The following FAM53A variants were observed in gnomAD, a reference collection of about 807,000 sequenced individuals.
The protein encoded by FAM53A is protein FAM53A.
A neutral mutation model predicts 26.6 loss-of-function variants in FAM53A; 28 were observed. The ratio of observed to expected loss-of-function variants is 1.05; its 90% CI spans 0.78 to 1.45. FAM53A has a LOEUF of 1.45. FAM53A is among the 40% of genes most tolerant of loss of function. FAM53A has a pLI of 0.00. For synonymous variants in FAM53A, 290 were observed against 253.1 expected (o/e 1.15, Z -1.38); for missense variants, 650 against 575.8 (o/e 1.13, Z -1.32).
chr4:1,623,910 C>T (rs879434246), intron 1 of FAM53A, among the ~76,000 whole-genome samples: 8 of 152,174 alleles, frequency 5.3e-5, no homozygotes, highest in Admixed American at 5.2e-4. Flanking sequence ...AGTGGGTGCC[C>T]GGCTGGGCAC....
intron 1 of FAM53A, among the ~76,000 whole-genome samples, chr4:1,677,801 C>T (rs1368019550): frequency 6.6e-6 from 1 of 152,006 alleles, no homozygotes. Flanking sequence ...AAAAATTAGC[C>T]GAGCGTGGTA....
At chr4:1,608,926 G>A in the FAM53A span, among the ~76,000 whole-genome samples, 598 of 152,266 alleles carry the variant, frequency 3.9e-3, 5 homozygotes, top group African/African-American at 0.014. Flanking sequence ...GGGACCATGC[G>A]GGTTTGGAGG....
Position 1,641,351 on chromosome 4 carries a change from T to G in FAM53A, c.1139A>C (p.Glu380Ala). The change falls in exon 5 of 5, where the codon GAG (glutamate) becomes GCG (alanine). Residue 380 changes from glutamate to alanine, a missense_variant. Glu to Ala is a moderately radical substitution (Grantham distance 107, BLOSUM62 -1). Coordinates refer to ENST00000308132, the MANE Select transcript of FAM53A (RefSeq NM_001174070.3). ...CCAGCGGGCCCGGGGGAAGACGCCC[T>G]CCTCCCCGACACTGTCCCCATCACG... The part of the protein sequence containing the change: ...DPRDGDSVGE[E>A]GVFPRARWEL... The G allele has an allele frequency of 1.2e-6, 2 of 1,610,886 alleles. No individual in the cohort carries two copies. Among genetic ancestry groups the G allele is most frequent in the Non-Finnish European group, 1.7e-6 (2 of 1,179,186 alleles).
chr4:1,618,535 G>T (rs1277412161), intron 1 of FAM53A, among the ~76,000 whole-genome samples: 1 of 152,238 alleles, frequency 6.6e-6, no homozygotes, highest in Non-Finnish European at 1.5e-5. Context: ...TGCCCACCTG[G>T]AGGTGTGGGC....
chr4:1,669,117 C>T lies in FAM53A; in HGVS notation c.-164-212G>A, dbSNP rs528721023. Among the ~76,000 whole-genome samples, 58 of 152,302 alleles carry T rather than the reference C, an allele frequency of 3.8e-4. No homozygotes were observed. In the South Asian group the frequency reaches 0.011, roughly 30 times the overall value. ...TAAAGGCAAAGACACACATTAGACC[C>T]ACCCGCCCCGGAAGCCTCAACTGAA... On this transcript the variant is annotated intron_variant, in intron 1 of 4. Coordinates refer to ENST00000308132, the MANE Select transcript of FAM53A (RefSeq NM_001174070.3).
the FAM53A span, among the ~76,000 whole-genome samples, chr4:1,597,086 A>T: frequency 1.6e-4 from 24 of 152,234 alleles, no homozygotes; most frequent in Non-Finnish European, 2.6e-4. Flanking sequence ...CCAGTGGGGC[A>T]GGGCCTTCTT....
intron 4 of FAM53A, among the ~76,000 whole-genome samples, chr4:1,645,589 C>T (rs1560144588): frequency 1.3e-5 from 2 of 152,210 alleles, no homozygotes; most frequent in African/African-American, 2.4e-5. Context: ...GACTCTCCGC[C>T]CTGACCGTGC....
intron 1 of FAM53A, among the ~76,000 whole-genome samples, chr4:1,673,600 G>A (rs1342603637): frequency 6.6e-6 from 1 of 152,178 alleles, no homozygotes; most frequent in Non-Finnish European, 1.5e-5. Context: ...GGGTGTGATG[G>A]CGCACACCTG....
intron 1 of FAM53A, among the ~76,000 whole-genome samples, chr4:1,682,383 C>T (rs1235142478): frequency 6.6e-6 from 1 of 151,696 alleles, no homozygotes; most frequent in Non-Finnish European, 1.5e-5. Flanking sequence ...CTGCCTCAGC[C>T]TCCCGAGTAG....
chr4:1,575,539 G>T, the FAM53A span, among the ~76,000 whole-genome samples: 1 of 152,144 alleles, frequency 6.6e-6, no homozygotes, highest in Non-Finnish European at 1.5e-5. Context: ...TGTCAAGGGG[G>T]TTGCTGAAGG....
Position 1,640,740 on chromosome 4 carries a change from C to A in FAM53A, c.*553G>T. The A allele has an allele frequency of 2.8e-6, 1 of 363,238 alleles. No homozygotes were observed. Among genetic ancestry groups the A allele is most frequent in the Non-Finnish European group, 5.1e-6 (1 of 196,228 alleles). The allele number at this position is 363,238 out of a possible 1,614,324, so 22.5% of individuals were successfully genotyped here. On this transcript the variant is annotated 3_prime_UTR_variant, in exon 5 of 5. Coordinates refer to ENST00000308132, the MANE Select transcript of FAM53A (RefSeq NM_001174070.3). Reference sequence around the variant, plus strand: ...GTGGCCCCGACCAACTCACAGGAAACCTACTCTGTGCCCCAGGGCAGGTGC... The same window carrying A: ...GTGGCCCCGACCAACTCACAGGAAAACTACTCTGTGCCCCAGGGCAGGTGC...
At position 1,649,146 on chromosome 4, in the gene FAM53A, A is replaced by G. The variant is rs796959564; in HGVS notation, c.882+5832T>C. 7.8e-5 allele frequency among the ~76,000 whole-genome samples: 9 copies of G among 115,458 alleles called. No individual in the cohort carries two copies. In the South Asian group the frequency reaches 1.1e-3, roughly 14 times the overall value. The allele number at this position is 115,458 out of a possible 152,430, so 75.7% of individuals were successfully genotyped here. Reference sequence around the variant, plus strand: ...AGAGGAAGGGGAAGGGGAAGGGGAAAGGGAAGGGGAAAGGGAAGGGGAAAG... The same window carrying G: ...AGAGGAAGGGGAAGGGGAAGGGGAAGGGGAAGGGGAAAGGGAAGGGGAAAG... On this transcript the variant is annotated intron_variant, in intron 4 of 4. Coordinates refer to ENST00000308132, the MANE Select transcript of FAM53A (RefSeq NM_001174070.3).
At chr4:1,634,349 C>A (rs559378243) in intron 1 of FAM53A, among the ~76,000 whole-genome samples, 1 of 152,084 alleles carries the variant, frequency 6.6e-6, no homozygotes, top group African/African-American at 2.4e-5. Flanking sequence ...CCTCCACACC[C>A]GTCCACACAC....
the FAM53A span, among the ~76,000 whole-genome samples, chr4:1,579,290 G>A: frequency 1.3e-5 from 2 of 151,134 alleles, no homozygotes; most frequent in Admixed American, 1.3e-4. Flanking sequence ...GCGCCCCCTG[G>A]TGGCCTCGGC....
chr4:1,656,767 C>T (rs1396094612), intron 3 of FAM53A, among the ~76,000 whole-genome samples: 1 of 152,170 alleles, frequency 6.6e-6, no homozygotes, highest in Admixed American at 6.5e-5. Flanking sequence ...TCATCTGGCG[C>T]TCAGCAAGGT....
chr4:1,621,947 C>T (rs963853267), intron 1 of FAM53A, among the ~76,000 whole-genome samples: 7 of 152,134 alleles, frequency 4.6e-5, no homozygotes, highest in Non-Finnish European at 5.9e-5. Flanking sequence ...TTGGGTCGGA[C>T]GGCACCGCAT....
chr4:1,618,977 G>T (rs993977832), intron 1 of FAM53A, among the ~76,000 whole-genome samples: 2 of 152,300 alleles, frequency 1.3e-5, no homozygotes, highest in South Asian at 2.1e-4. Flanking sequence ...ACCCAGCAAC[G>T]CTGCTCCACG....
chr4:1,574,399 CCCT>C, the FAM53A span: 1 of 152,494 alleles, frequency 6.6e-6, no homozygotes, highest in Non-Finnish European at 1.5e-5. Flanking sequence ...CCTCCTCATC[CCCT>C]CCCACCAGGG....
At chr4:1,632,970 C>T (rs1363983933) in intron 1 of FAM53A, among the ~76,000 whole-genome samples, 2 of 152,226 alleles carry the variant, frequency 1.3e-5, no homozygotes, top group Non-Finnish European at 2.9e-5. Context: ...CATGCATGTG[C>T]ACAGGGCGCA....
Sources: allele counts gnomAD v4.1 joint callset (sites outside exome capture counted in the v4.1 genomes callset), GRCh38; gene constraint gnomAD v4.1.1; transcripts MANE v1.5; gene names NCBI Gene and HGNC (gene_info 2026-07-23, HGNC 2026-07-21).